BNIPL: variants seen among roughly 807,000 people sequenced by gnomAD.
BNIPL encodes BCL2 interacting protein like, also known as bcl-2/adenovirus E1B 19 kDa-interacting protein 2-like protein.
A neutral mutation model predicts 47.0 loss-of-function variants in BNIPL; 33 were observed. That is an observed-to-expected ratio of 0.70 (90% CI 0.53 to 0.94). The LOEUF (loss-of-function observed/expected upper bound fraction) is 0.94, where lower values mean the gene tolerates loss of function less well. BNIPL is among the 40% of genes least tolerant of loss of function. The pLI is 0.00. For missense variants in BNIPL, 404 were observed against 445.2 expected, an observed-to-expected ratio of 0.91 and a Z score of 0.83; for synonymous variants, 145 against 162.7, an observed-to-expected ratio of 0.89 and a Z score of 0.83.
chr1:151,039,023 G>C lies in BNIPL; in HGVS notation c.430G>C (p.Glu144Gln). Reference protein sequence around the residue: ...QLDSGHEFEWEDELPRAEGLG... With the variant: ...QLDSGHEFEWQDELPRAEGLG... ...GGACAGTGGACATGAATTTGAATGGGAAGGTGGGAAACAAACCAGAGGACT... is the reference window on the plus strand; with the variant it reads ...GGACAGTGGACATGAATTTGAATGGCAAGGTGGGAAACAAACCAGAGGACT... Residue 144 changes from glutamate (E) to glutamine (Q), a missense_variant, in exon 4 of 10, where the codon GAA becomes CAA. Coordinates refer to ENST00000368931, the MANE Select transcript of BNIPL (RefSeq NM_138278.4). The C allele has an allele frequency of 6.4e-7, 1 of 1,574,258 alleles. No homozygotes were observed. Among genetic ancestry groups the C allele is most frequent in the Non-Finnish European group, 8.6e-7 (1 of 1,160,440 alleles).
chr1:151,044,554 C>T (rs1281619686), intron 7 of BNIPL, among the ~76,000 whole-genome samples: 2 of 152,162 alleles, frequency 1.3e-5, no homozygotes, highest in African/African-American at 4.8e-5. Flanking sequence ...GCCATCCTCC[C>T]ACCTCAGCCT....
In BNIPL at chr1:151,042,973, G is replaced by A; in HGVS notation, c.451G>A (p.Glu151Lys). ...TCTTTTAGATGAACTACCCCGGGCA[G>A]AGGGTCTGGGCACCAGTGAGACAGC... is the stretch of plus-strand genomic sequence containing the variant. ...FEWEDELPRA[E>K]GLGTSETAER... Residue 151 changes from glutamate (E) to lysine (K), a missense_variant, in exon 5 of 10, where the codon GAG (glutamate) becomes AAG (lysine). Glu to Lys is a moderately conservative substitution (Grantham distance 56). Coordinates refer to ENST00000368931, the MANE Select transcript of BNIPL (RefSeq NM_138278.4). The A allele has an allele frequency of 1.3e-6, 2 of 1,585,676 alleles. No individual in the cohort carries two copies.
At chr1:151,038,351 G>A in intron 2 of BNIPL, 153 bp from the exon 3 acceptor site, 2 of 642,716 alleles carry the variant, frequency 3.1e-6, no homozygotes, top group South Asian at 1.9e-5. Flanking sequence ...TCCAGCCTGG[G>A]CAACAGAGTG....
Position 151,036,641 on chromosome 1 carries a change from A to T in BNIPL, c.-85A>T. 1 of 1,219,866 alleles carries T rather than the reference A, an allele frequency of 8.2e-7. No homozygotes were observed. The highest frequency in any genetic ancestry group is 1.2e-5 in the South Asian group (1 of 82,788). The allele number at this position is 1,219,866 out of a possible 1,614,324, so 75.6% of individuals were successfully genotyped here. ...AGCTACAACAGCTGAGACAGAAAAG[A>T]GGTAAGGAAGTGTTGGGGGCTGGGA... On this transcript the variant is annotated 5_prime_UTR_variant, in exon 1 of 10. Transcript: ENST00000368931.
rs587607488 is a variant in BNIPL at position 151,038,966 on chromosome 1, G to A, written c.373G>A (p.Glu125Lys). Residue 125 changes from glutamate (E) to lysine (K), a missense_variant, in exon 4 of 10, where the codon GAA (glutamate) becomes AAA (lysine). Glu to Lys is a moderately conservative substitution (Grantham distance 56). Coordinates refer to ENST00000368931, the MANE Select transcript of BNIPL (RefSeq NM_138278.4). ...PDGSSDLEIDELETPSDSEQL... is the reference protein window; with the variant it reads ...PDGSSDLEIDKLETPSDSEQL... ...TGGCAGTTCTGACCTGGAGATAGAC[G>A]AATTGGAGACACCTTCAGACTCGGA... 1.1e-5 allele frequency: 17 copies of A among 1,611,950 alleles called. No homozygotes were observed. Among genetic ancestry groups the A allele is most frequent in the East Asian group, 2.2e-5 (1 of 44,856 alleles).
chr1:151,042,865 T>G, intron 4 of BNIPL, 91 bp from the exon 5 acceptor site: 3 of 1,059,494 alleles, frequency 2.8e-6, no homozygotes, highest in Non-Finnish European at 4.0e-6. Flanking sequence ...TAATGACAGA[T>G]TAGAGTAACA....
rs140082924 is a variant in BNIPL, at chr1:151,046,080, C to T, written c.952C>T (p.Arg318Ter). Residue 318 changes from arginine to a stop codon, truncating the protein, a stop_gained, in exon 9 of 10, where the codon CGA becomes TGA. Transcript: ENST00000368931. LOFTEE classifies it high-confidence loss of function. ...CTCTCTTTTCAGTTCCAAATTCACA[C>T]GAAAAATCCGTTTTCTGGACAGCCT... The part of the protein sequence containing the change: ...LRPFISSKFT[R>*]KIRFLDSLGE... 83 of 1,614,138 alleles carry T rather than the reference C, an allele frequency of 5.1e-5. No individual in the cohort carries two copies. The highest frequency in any genetic ancestry group is 1.6e-4 in the Middle Eastern group (1 of 6,062).
chr1:151,038,578 G>A lies in BNIPL; in HGVS notation c.202+10G>A. 6.2e-7 allele frequency: 1 copy of A among 1,611,924 alleles called. No individual in the cohort carries two copies. The highest frequency in any genetic ancestry group is 1.7e-4 in the Middle Eastern group (1 of 6,054). On this transcript the variant is annotated intron_variant, in intron 3 of 9. Coordinates refer to ENST00000368931, the MANE Select transcript of BNIPL (RefSeq NM_138278.4). ...GGAGATTCACAGGCAGGTAGGTCAA[G>A]TAGAAACCAGGCCTCAAGTTCTTGA...
At position 151,045,547 on chromosome 1, in the gene BNIPL, A is replaced by T. The variant is rs1378442115; in HGVS notation, c.852-250A>T. 5.9e-5 allele frequency: 29 copies of T among 489,048 alleles called. 1 individual carries two copies. The highest frequency in any genetic ancestry group is 7.7e-5 in the Non-Finnish European group (24 of 312,260). 30.3% of individuals were successfully genotyped at this position (489,048 alleles called of 1,614,324 possible). ...ACACTCCAGCCCAGGCGACAGAGTG[A>T]GACTCCGTCTCAAAAAAAAAAAAAA... On this transcript the variant is annotated intron_variant, in intron 7 of 9. Transcript: ENST00000368931.
chr1:151,042,331 G>T (rs1675853309), intron 4 of BNIPL, among the ~76,000 whole-genome samples: 1 of 151,856 alleles, frequency 6.6e-6, no homozygotes, highest in African/African-American at 2.4e-5. Context: ...TGCCCAGGCT[G>T]GTCTCAAACT....
At position 151,038,347 on chromosome 1, in the gene BNIPL, C is replaced by T. The variant is rs138631652; in HGVS notation, c.138-157C>T. ...TGTGATTGTGCCACTGCATTCCAGC[C>T]TGGGCAACAGAGTGAGACCCTGTCT... On this transcript the variant is annotated intron_variant, in intron 2 of 9. Transcript: ENST00000368931. The T allele has an allele frequency of 7.9e-6, 5 of 635,264 alleles. No individual in the cohort carries two copies. In the South Asian group the frequency reaches 9.7e-5, roughly 12 times the overall value. The allele number at this position is 635,264 out of a possible 1,614,324, so 39.4% of individuals were successfully genotyped here.
At chr1:151,043,250 C>G in intron 5 of BNIPL, 82 bp from the exon 6 acceptor site, 1 of 1,511,802 alleles carries the variant, frequency 6.6e-7, no homozygotes, top group South Asian at 1.1e-5. Context: ...CAGAGACCCT[C>G]AGAGTCCCTC....
chr1:151,037,217 A>T, intron 1 of BNIPL: 1 of 517,446 alleles, frequency 1.9e-6, no homozygotes, highest in Non-Finnish European at 2.7e-6. Context: ...AGGCCTAACT[A>T]GGTACCGTCT....
chr1:151,043,019 G>A lies in BNIPL; in HGVS notation c.497G>A (p.Cys166Tyr), dbSNP rs149623667. Residue 166 changes from cysteine (C) to tyrosine (Y), a missense_variant, in exon 5 of 10, where the codon TGT (cysteine) becomes TAT (tyrosine). By Grantham distance (194) the Cys-to-Tyr change is radical. Transcript: ENST00000368931. ...ACAGCTGAAAGGCTGGGCCGAGGTT[G>A]TATGTGGGATGTGACTGGAGAAGAT... ...SETAERLGRG[C>Y]MWDVTGEDGH... 41 of 1,611,840 alleles carry A rather than the reference G, an allele frequency of 2.5e-5. No individual in the cohort carries two copies. The African/African-American group carries it at 4.7e-4, about 18-fold the overall frequency.
At chr1:151,041,780 C>A (rs977454787) in intron 4 of BNIPL, among the ~76,000 whole-genome samples, 18 of 152,108 alleles carry the variant, frequency 1.2e-4, no homozygotes, top group African/African-American at 4.3e-4. Flanking sequence ...TTGAGACAAG[C>A]CTGGCCAACA....
In BNIPL at chr1:151,038,521, C is replaced by T. The variant is rs369399673; in HGVS notation, c.155C>T (p.Ala52Val). The T allele has an allele frequency of 3.1e-6, 5 of 1,613,422 alleles. No individual in the cohort carries two copies. The African/African-American group carries it at 6.7e-5, about 22-fold the overall frequency. Reference protein sequence around the residue: ...EEFPRLLPEEAGTSEDPEDPK... With the variant: ...EEFPRLLPEEVGTSEDPEDPK... ...CCCTCTAGATTGCTTCCTGAGGAGG[C>T]TGGCACTTCTGAAGATCCTGAAGAC... The change falls in exon 3 of 10, where the codon GCT becomes GTT. Residue 52 changes from alanine to valine, a missense_variant. By Grantham distance (64) the Ala-to-Val change is moderately conservative. Transcript: ENST00000368931.
chr1:151,047,689 C>T lies in BNIPL; in HGVS notation c.*1002C>T. On this transcript the variant is annotated 3_prime_UTR_variant, in exon 10 of 10. Coordinates refer to ENST00000368931, the MANE Select transcript of BNIPL (RefSeq NM_138278.4). ...GCAGAGGTTCCTTAGGAGCACCCCG[C>T]GCGGCCCGCGCGAGCGCGCCTGCGC... 7.9e-7 allele frequency: 1 copy of T among 1,263,146 alleles called. No homozygotes were observed. Among genetic ancestry groups the T allele is most frequent in the Non-Finnish European group, 1.0e-6 (1 of 955,510 alleles). The allele number at this position is 1,263,146 out of a possible 1,614,324, so 78.2% of individuals were successfully genotyped here. A position where few individuals can be genotyped will look rare whatever the true frequency, so the allele number is the denominator to read the frequency against.
intron 1 of BNIPL, 126 bp from the exon 2 acceptor site, chr1:151,037,441 G>A (rs745514216): frequency 5.8e-5 from 83 of 1,441,462 alleles, no homozygotes; most frequent in Non-Finnish European, 6.9e-5. Context: ...CTGTATAGGA[G>A]GCAAGAGATC....
Position 151,046,898 on chromosome 1 carries a change from G to C in BNIPL, c.*211G>C. Reference sequence around the variant, plus strand: ...GATCTGCTGGGTGACTTTCATTCCAGTTGCTGGGACGGAAGGCTGAATGTA... The same window carrying C: ...GATCTGCTGGGTGACTTTCATTCCACTTGCTGGGACGGAAGGCTGAATGTA... On this transcript the variant is annotated 3_prime_UTR_variant, in exon 10 of 10. Transcript: ENST00000368931. 2 of 473,250 alleles carry C rather than the reference G, an allele frequency of 4.2e-6. No individual in the cohort carries two copies. Among genetic ancestry groups the C allele is most frequent in the Non-Finnish European group, 3.7e-6 (1 of 267,276 alleles). 29.3% of individuals were successfully genotyped at this position (473,250 alleles called of 1,614,324 possible).
Sources: allele counts gnomAD v4.1 joint callset (sites outside exome capture counted in the v4.1 genomes callset), GRCh38; gene constraint gnomAD v4.1.1; transcripts MANE v1.5; gene names NCBI Gene and HGNC (gene_info 2026-07-23, HGNC 2026-07-21).